ABCG8: variants seen among roughly 807,000 people sequenced by gnomAD.
ABCG8 encodes ATP binding cassette subfamily G member 8.
In ABCG8, 81 loss-of-function variants were observed where a neutral mutation model predicts 71.3. The ratio of observed to expected loss-of-function variants is 1.14; its 90% CI spans 0.95 to 1.37. The LOEUF is 1.37. Among genes scored for constraint, ABCG8 ranks in the 40% most tolerant of loss-of-function variants. The probability of loss-of-function intolerance (pLI) is 0.00; values close to 1 mark genes in which losing one functional copy is unlikely to be tolerated. For missense variants in ABCG8, 1,119 were observed against 866.2 expected (o/e 1.29, Z -3.66); for synonymous variants, 451 against 354.7 (o/e 1.27, Z -3.05).
rs1171068014 is a variant in ABCG8, at chr2:43,839,081, G to A, written c.28G>A (p.Gly10Arg). 1 of 1,551,148 alleles carries A rather than the reference G, an allele frequency of 6.4e-7. No homozygotes were observed. Among genetic ancestry groups the A allele is most frequent in the African/African-American group, 1.4e-5 (1 of 73,054 alleles). Residue 10 changes from glycine to arginine, a missense_variant, in exon 1 of 13, where the codon GGG (glycine) becomes AGG (arginine). Coordinates refer to ENST00000272286, the MANE Select transcript of ABCG8 (RefSeq NM_022437.3). Reference protein sequence around the residue: MAGKAAEERGLPKGATPQDT... With the variant: MAGKAAEERRLPKGATPQDT... ...GGCCGGGAAGGCGGCAGAGGAGAGA[G>A]GGCTGCCGAAAGGGGCCACTCCCCA... is the stretch of plus-strand genomic sequence containing the variant.
At position 43,863,124 on chromosome 2, in the gene ABCG8, T is replaced by A. The variant is rs1572850279; in HGVS notation, c.965-8852T>A. ...CTCACTATCTATCTGGATAGAATTC[T>A]CACTCTCTGGATATAACTCTCACTA... is the stretch of plus-strand genomic sequence containing the variant. On this transcript the variant is annotated intron_variant, in intron 6 of 12. Transcript: ENST00000272286. Among the ~76,000 whole-genome samples, 5 of 151,390 alleles carry A rather than the reference T, an allele frequency of 3.3e-5. No individual in the cohort carries two copies. The Middle Eastern group carries it at 0.014, about 415-fold the overall frequency.
chr2:43,878,120 AG>A lies in ABCG8; in HGVS notation c.*209del. The A allele has an allele frequency of 1.4e-6, 1 of 698,752 alleles. No individual in the cohort carries two copies. The highest frequency in any genetic ancestry group is 2.8e-5 in the East Asian group (1 of 35,408). 43.3% of individuals were successfully genotyped at this position (698,752 alleles called of 1,614,324 possible). ...TCGAAAGGGATTTCTGCTCACTGGC[AG>A]GAGACTGCGATGACTGGGAGAAAAC... On this transcript the variant is annotated 3_prime_UTR_variant, in exon 13 of 13. Coordinates refer to ENST00000272286, the MANE Select transcript of ABCG8 (RefSeq NM_022437.3).
intron 6 of ABCG8, among the ~76,000 whole-genome samples, chr2:43,858,221 G>C (rs1669180461): frequency 6.6e-6 from 1 of 151,462 alleles, no homozygotes; most frequent in Non-Finnish European, 1.5e-5. Context: ...TCACTCTCTG[G>C]ATAGAACTCT....
At position 43,873,815 on chromosome 2, in the gene ABCG8, C is replaced by G; in HGVS notation, c.1240C>G (p.Leu414Val). The G allele has an allele frequency of 2.5e-6, 4 of 1,614,202 alleles. No homozygotes were observed. The highest frequency in any genetic ancestry group is 3.4e-6 in the Non-Finnish European group (4 of 1,180,044). ...TCAGATTTCCAACGACTTCCGAGACCTGCCCACCCTCCTCATCCATGGGGC... is the reference window on the plus strand; with the variant it reads ...TCAGATTTCCAACGACTTCCGAGACGTGCCCACCCTCCTCATCCATGGGGC... ...RRQISNDFRD[L>V]PTLLIHGAEA... Residue 414 changes from leucine to valine, a missense_variant, in exon 9 of 13, where the codon CTG becomes GTG. Transcript: ENST00000272286.
At chr2:43,876,265 C>T (rs967632187) in intron 11 of ABCG8, among the ~76,000 whole-genome samples, 2 of 152,198 alleles carry the variant, frequency 1.3e-5, no homozygotes, top group Non-Finnish European at 2.9e-5. Context: ...CCCCAGCAAC[C>T]CCTCTGCCCT....
chr2:43,873,181 G>C (rs1669839830), intron 8 of ABCG8, among the ~76,000 whole-genome samples: 1 of 149,034 alleles, frequency 6.7e-6, no homozygotes, highest in Admixed American at 6.7e-5. Context: ...AGACATCATT[G>C]AGCGTACATT....
intron 6 of ABCG8, among the ~76,000 whole-genome samples, chr2:43,858,705 T>C (rs745715408): frequency 2.7e-5 from 4 of 150,582 alleles, no homozygotes; most frequent in African/African-American, 7.3e-5. Flanking sequence ...ACTCTCACTA[T>C]CTGGATAGAA....
chr2:43,880,309 G>C lies in ABCG8; in HGVS notation c.*2396G>C, dbSNP rs538454103. On this transcript the variant is annotated 3_prime_UTR_variant, in exon 13 of 13. Coordinates refer to ENST00000272286, the MANE Select transcript of ABCG8 (RefSeq NM_022437.3). The stretch of plus-strand genomic sequence containing the variant: ...TTGCCTCAGCCTCCCAAGTAGTTGG[G>C]ATTAACAGTGCCCACCACCACACCT... 1.3e-5 allele frequency: 2 copies of C among 150,836 alleles called. No individual in the cohort carries two copies. Among genetic ancestry groups the C allele is most frequent in the East Asian group, 3.9e-4 (2 of 5,170 alleles). 9.3% of individuals were successfully genotyped at this position (150,836 alleles called of 1,614,324 possible).
rs182505812 is a variant in ABCG8, at chr2:43,849,975, G to A, written c.323-1609G>A. Among the ~76,000 whole-genome samples, 7 of 152,192 alleles carry A rather than the reference G, an allele frequency of 4.6e-5. No homozygotes were observed. The East Asian group carries it at 9.7e-4, about 21-fold the overall frequency. ...AGCACTTTGGGAGGCCGAGGCAGGC[G>A]GATCACCTGAGGTCAGGGGTTCGAG... is the stretch of plus-strand genomic sequence containing the variant. On this transcript the variant is annotated intron_variant, in intron 3 of 12. Transcript: ENST00000272286.
At chr2:43,843,787 C>A (rs867790998) in intron 1 of ABCG8, among the ~76,000 whole-genome samples, 4 of 152,140 alleles carry the variant, frequency 2.6e-5, no homozygotes, top group South Asian at 4.1e-4. Flanking sequence ...TCAGCCGACA[C>A]CATGAAACAT....
At chr2:43,865,368 CTG>C (rs1669490748) in intron 6 of ABCG8, among the ~76,000 whole-genome samples, 2 of 150,662 alleles carry the variant, frequency 1.3e-5, no homozygotes, top group South Asian at 4.2e-4. Flanking sequence ...CTCTTACTAT[CTG>C]GATAGAATTC....
Position 43,874,424 on chromosome 2 carries a change from A to T in ABCG8, c.1429A>T (p.Met477Leu). 7 of 1,613,096 alleles carry T rather than the reference A, an allele frequency of 4.3e-6. No individual in the cohort carries two copies. Among genetic ancestry groups the T allele is most frequent in the Non-Finnish European group, 5.9e-6 (7 of 1,179,132 alleles). ...CTTTTTAGGTTACTCAGAGAGGGCAATGCTTTACTATGAACTGGAAGACGG... is the reference window on the plus strand; with the variant it reads ...CTTTTTAGGTTACTCAGAGAGGGCATTGCTTTACTATGAACTGGAAGACGG... ...VISKCYSERA[M>L]LYYELEDGLY... is the part of the protein sequence containing the mutation. The change falls in exon 10 of 13, where the codon ATG (methionine) becomes TTG (leucine). Residue 477 changes from methionine (M) to leucine (L), a missense_variant. By Grantham distance (15) the Met-to-Leu change is conservative. Transcript: ENST00000272286.
intron 6 of ABCG8, 55 bp downstream of exon 6, chr2:43,852,923 T>G (rs986990412): frequency 2.5e-6 from 4 of 1,604,610 alleles, no homozygotes; most frequent in Non-Finnish European, 3.4e-6. Context: ...TCCCCGATGC[T>G]TAAACCCTGC....
chr2:43,877,480 A>G (rs1031864120), intron 11 of ABCG8, 81 bp from the exon 12 acceptor site: 6 of 1,605,234 alleles, frequency 3.7e-6, no homozygotes, highest in South Asian at 2.2e-5. Flanking sequence ...GACTCTGTGA[A>G]TATGGGGGAG....
chr2:43,881,161 A>G lies in ABCG8; in HGVS notation c.*3248A>G, dbSNP rs991431323. 1 of 152,284 alleles carries G rather than the reference A, an allele frequency of 6.6e-6. No homozygotes were observed. Among genetic ancestry groups the G allele is most frequent in the Admixed American group, 6.5e-5 (1 of 15,280 alleles). 9.4% of individuals were successfully genotyped at this position (152,284 alleles called of 1,614,324 possible). A position where few individuals can be genotyped will look rare whatever the true frequency, so the allele number is the denominator to read the frequency against. ...TTGTGAGTTCACCATTCGGTCTGCA[A>G]TGGGTTTTGGTAACTCAGTGGCTCT... is the stretch of plus-strand genomic sequence containing the variant. On this transcript the variant is annotated 3_prime_UTR_variant, in exon 13 of 13. Transcript: ENST00000272286.
Position 43,873,872 on chromosome 2 carries a change from T to G in ABCG8, c.1297T>G (p.Phe433Val). 3 of 1,614,116 alleles carry G rather than the reference T, an allele frequency of 1.9e-6. No individual in the cohort carries two copies. Among genetic ancestry groups the G allele is most frequent in the Non-Finnish European group, 2.5e-6 (3 of 1,180,020 alleles). The change falls in exon 9 of 13, where the codon TTC becomes GTC. Residue 433 changes from phenylalanine to valine, a missense_variant. Phe to Val is a conservative substitution (Grantham distance 50). Coordinates refer to ENST00000272286, the MANE Select transcript of ABCG8 (RefSeq NM_022437.3). The part of the protein sequence containing the change: ...EACLMSMTIG[F>V]LYFGHGSIQL... ...CTGTCTGATGTCAATGACCATCGGC[T>G]TCCTCTATTTTGGCCATGGGAGCAT...
intron 3 of ABCG8, among the ~76,000 whole-genome samples, chr2:43,849,334 G>T (rs1305328366): frequency 6.6e-6 from 1 of 152,170 alleles, no homozygotes; most frequent in Non-Finnish European, 1.5e-5. Context: ...AATCATGGTG[G>T]AAGGCAAAGG....
chr2:43,855,041 A>C (rs1170936087), intron 6 of ABCG8, among the ~76,000 whole-genome samples: 4 of 152,230 alleles, frequency 2.6e-5, no homozygotes, highest in Non-Finnish European at 5.9e-5. Flanking sequence ...CTCCAGCCAG[A>C]CATTCTCCTG....
chr2:43,870,151 A>G (rs1038010999), intron 6 of ABCG8, among the ~76,000 whole-genome samples: 4 of 151,108 alleles, frequency 2.6e-5, no homozygotes, highest in African/African-American at 9.7e-5. Context: ...AACTCTCACT[A>G]CCTGTCTCGA....
Sources: allele counts gnomAD v4.1 joint callset (sites outside exome capture counted in the v4.1 genomes callset), GRCh38; gene constraint gnomAD v4.1.1; transcripts MANE v1.5; gene names NCBI Gene and HGNC (gene_info 2026-07-23, HGNC 2026-07-21).